The following PPFIBP1 variants were observed in gnomAD, a reference collection of about 807,000 sequenced individuals.
The protein encoded by PPFIBP1 is liprin-beta-1.
A neutral mutation model predicts 137.8 loss-of-function variants in PPFIBP1; 112 were observed. That is an observed-to-expected ratio of 0.81 (90% CI 0.70 to 0.95). The LOEUF is 0.95. Among genes scored for constraint, PPFIBP1 ranks in the 40% least tolerant of loss-of-function variants. The probability of loss-of-function intolerance (pLI) is 0.00; values close to 1 mark genes in which losing one functional copy is unlikely to be tolerated. For synonymous variants in PPFIBP1, 378 were observed against 417.3 expected, an observed-to-expected ratio of 0.91 and a Z score of 1.15; for missense variants, 1,083 against 1,196.6, an observed-to-expected ratio of 0.91 and a Z score of 1.40.
chr12:27,682,090 T>G (rs563421360), intron 22 of PPFIBP1, among the ~76,000 whole-genome samples: 26 of 150,442 alleles, frequency 1.7e-4, no homozygotes, highest in African/African-American at 6.3e-4. Context: ...TTCTTCCAAA[T>G]TATTTAATAT....
chr12:27,547,469 A>C (rs1182374355), intron 1 of PPFIBP1: 1 of 152,208 alleles, frequency 6.6e-6, no homozygotes, highest in Non-Finnish European at 1.5e-5. Flanking sequence ...TTCCTCGTAC[A>C]ATTAGAAAAA....
intron 2 of PPFIBP1, among the ~76,000 whole-genome samples, chr12:27,584,742 T>A (rs2051520450): frequency 6.6e-6 from 1 of 152,210 alleles, no homozygotes; most frequent in African/African-American, 2.4e-5. Context: ...CAAGAAATTA[T>A]CATTTGTTGT....
rs1235521943 is a variant in PPFIBP1, at chr12:27,571,864, T to C, written c.-123-6288T>C. On this transcript the variant is annotated intron_variant, in intron 1 of 29. Coordinates refer to ENST00000228425, the MANE Select transcript of PPFIBP1 (RefSeq NM_003622.4). ...TTAGTGATTTAGTGGAAATACTTGA[T>C]TTTACAGGATTTCTTAGGTATGGGT... Among the ~76,000 whole-genome samples, 3 of 152,318 alleles carry C rather than the reference T, an allele frequency of 2.0e-5. No individual in the cohort carries two copies. In the East Asian group the frequency reaches 5.8e-4, roughly 29 times the overall value.
chr12:27,545,914 G>A (rs943847715), intron 1 of PPFIBP1, among the ~76,000 whole-genome samples: 8 of 152,176 alleles, frequency 5.3e-5, no homozygotes, highest in Admixed American at 4.6e-4. Context: ...CACGGTAGTC[G>A]TATAACTTGA....
At chr12:27,602,852 T>TA (rs1457813579) in intron 2 of PPFIBP1, among the ~76,000 whole-genome samples, 2 of 152,232 alleles carry the variant, frequency 1.3e-5, no homozygotes, top group Non-Finnish European at 2.9e-5. Context: ...TGTGTATAGA[T>TA]AGCCTCATTT....
At chr12:27,650,191 C>T (rs1384317239) in intron 7 of PPFIBP1, 50 bp downstream of exon 7, 1 of 1,486,060 alleles carries the variant, frequency 6.7e-7, no homozygotes, top group East Asian at 2.4e-5. Flanking sequence ...GTCACTCTGT[C>T]TTTGTCTCTG....
At chr12:27,640,590 C>T (rs1158504453) in intron 4 of PPFIBP1, among the ~76,000 whole-genome samples, 1 of 141,802 alleles carries the variant, frequency 7.1e-6, no homozygotes, top group Non-Finnish European at 1.5e-5. Flanking sequence ...TACCCGCCCC[C>T]CACCCCCGGG....
At chr12:27,579,691 G>A (rs1273796975) in intron 2 of PPFIBP1, among the ~76,000 whole-genome samples, 1 of 152,084 alleles carries the variant, frequency 6.6e-6, no homozygotes, top group Non-Finnish European at 1.5e-5. Flanking sequence ...TACTAATAGC[G>A]CTTCTATGAA....
At chr12:27,625,881 C>T (rs2056778232) in intron 2 of PPFIBP1, among the ~76,000 whole-genome samples, 1 of 152,156 alleles carries the variant, frequency 6.6e-6, no homozygotes, top group South Asian at 2.1e-4. Context: ...CTGCGCCTGG[C>T]CTTATTTTAC....
chr12:27,642,697 G>A (rs1352513278), intron 4 of PPFIBP1, among the ~76,000 whole-genome samples: 1 of 152,130 alleles, frequency 6.6e-6, no homozygotes, highest in Non-Finnish European at 1.5e-5. Flanking sequence ...GATCTGAGAG[G>A]GAGGAGTGGG....
chr12:27,664,627 T>C (rs893270565), intron 12 of PPFIBP1, among the ~76,000 whole-genome samples, 181 bp downstream of exon 12: 4 of 152,034 alleles, frequency 2.6e-5, no homozygotes, highest in Non-Finnish European at 4.4e-5. Context: ...GAGGAGTGAG[T>C]GTACTGTAGA....
At chr12:27,600,091 C>T (rs1484711598) in intron 2 of PPFIBP1, among the ~76,000 whole-genome samples, 1 of 151,986 alleles carries the variant, frequency 6.6e-6, no homozygotes, top group Non-Finnish European at 1.5e-5. Flanking sequence ...ATATGCATAC[C>T]CTGTACTATG....
At chr12:27,663,353 C>T (rs921175055) in intron 11 of PPFIBP1, among the ~76,000 whole-genome samples, 1 of 152,146 alleles carries the variant, frequency 6.6e-6, no homozygotes, top group Non-Finnish European at 1.5e-5. Flanking sequence ...ATGGGAAAAG[C>T]AAAGAGGGTC....
At chr12:27,680,617 T>C (rs1311717813) in intron 21 of PPFIBP1, among the ~76,000 whole-genome samples, 1 of 152,216 alleles carries the variant, frequency 6.6e-6, no homozygotes, top group Non-Finnish European at 1.5e-5. Context: ...ACAGAATCTA[T>C]GAAAGCACTT....
rs1234684861 is a variant in PPFIBP1, at chr12:27,533,744, A to G, written c.-124+9379A>G. Among the ~76,000 whole-genome samples, 3 of 152,330 alleles carry G rather than the reference A, an allele frequency of 2.0e-5. No individual in the cohort carries two copies. The East Asian group carries it at 5.8e-4, about 29-fold the overall frequency. On this transcript the variant is annotated intron_variant, in intron 1 of 29. Coordinates refer to ENST00000228425, the MANE Select transcript of PPFIBP1 (RefSeq NM_003622.4). ...ATGGTTGAGCTCCCCGAACAAGAGT[A>G]TGTAGAGTAAAAAGAGAAGCAAGCA...
chr12:27,529,468 T>A (rs558542405), intron 1 of PPFIBP1, among the ~76,000 whole-genome samples: 33 of 152,206 alleles, frequency 2.2e-4, no homozygotes, highest in African/African-American at 7.7e-4. Flanking sequence ...CTGAGGTGGA[T>A]GGATCACTTG....
intron 17 of PPFIBP1, among the ~76,000 whole-genome samples, chr12:27,675,664 C>A (rs2060471169): frequency 6.6e-6 from 1 of 152,040 alleles, no homozygotes; most frequent in Non-Finnish European, 1.5e-5. Context: ...GTCACCAAAT[C>A]AACAAAAATC....
At chr12:27,530,756 G>A (rs1287082738) in intron 1 of PPFIBP1, among the ~76,000 whole-genome samples, 1 of 152,196 alleles carries the variant, frequency 6.6e-6, no homozygotes, top group East Asian at 1.9e-4. Flanking sequence ...ATAGCTGGAT[G>A]CCCCGTTCCC....
chr12:27,628,007 G>A (rs770272742), intron 2 of PPFIBP1, among the ~76,000 whole-genome samples: 3 of 151,998 alleles, frequency 2.0e-5, no homozygotes, highest in Non-Finnish European at 4.4e-5. Flanking sequence ...TCTCCAGTTT[G>A]AACTATGACT....
Sources: gnomAD v4.1 joint callset for allele counts (sites outside exome capture counted in the v4.1 genomes callset) on GRCh38, gnomAD v4.1.1 for gene constraint, MANE v1.5 for transcripts, NCBI Gene and HGNC (gene_info 2026-07-23, HGNC 2026-07-21) for gene names.